Variants in PLEKHA2 observed in about 807,000 individuals in gnomAD.
The protein encoded by PLEKHA2 is pleckstrin homology domain containing A2, also known as pleckstrin homology domain-containing family A member 2.
A neutral mutation model predicts 53.2 loss-of-function variants in PLEKHA2; 28 were observed. The observed-to-expected ratio is 0.53, with a 90% CI of 0.39 to 0.72. PLEKHA2 has a LOEUF of 0.72. PLEKHA2 is among the 30% of genes least tolerant of loss of function. The pLI is 0.00. For synonymous variants in PLEKHA2, 193 were observed against 196.4 expected, an observed-to-expected ratio of 0.98 and a Z score of 0.14; for missense variants, 426 against 537.9, an observed-to-expected ratio of 0.79 and a Z score of 2.06.
intron 1 of PLEKHA2, among the ~76,000 whole-genome samples, chr8:38,903,893 T>C (rs1315693917): frequency 6.6e-6 from 1 of 152,158 alleles, no homozygotes; most frequent in East Asian, 1.9e-4. Context: ...CCCCCTCTCT[T>C]TTTCCACCAT....
At chr8:38,913,396 A>G (rs552432648) in intron 1 of PLEKHA2, among the ~76,000 whole-genome samples, 3 of 151,824 alleles carry the variant, frequency 2.0e-5, no homozygotes, top group Admixed American at 2.0e-4. Flanking sequence ...AGAAAAAGGA[A>G]AGATGAATCC....
chr8:38,901,522 C>T (rs1833784397), intron 1 of PLEKHA2, 77 bp downstream of exon 1: 1 of 151,446 alleles, frequency 6.6e-6, no homozygotes, highest in East Asian at 2.0e-4. Flanking sequence ...GCTGGGGGTG[C>T]AGGGGGCGCC....
At chr8:38,926,273 G>A (rs1301678331) in intron 2 of PLEKHA2, among the ~76,000 whole-genome samples, 3 of 151,744 alleles carry the variant, frequency 2.0e-5, no homozygotes, top group East Asian at 1.9e-4. Flanking sequence ...GAGTAAGAAC[G>A]CAGAATCCTT....
chr8:38,917,161 A>G (rs900902841), intron 1 of PLEKHA2, among the ~76,000 whole-genome samples: 2 of 152,100 alleles, frequency 1.3e-5, no homozygotes, highest in Non-Finnish European at 2.9e-5. Flanking sequence ...AGCTCTTTAT[A>G]TATTCTGGTT....
rs143049677 is a variant in PLEKHA2 at position 38,915,368 on chromosome 8, C to A, written c.-23-2539C>A. Among the ~76,000 whole-genome samples the A allele has an allele frequency of 4.0e-4, 61 of 152,352 alleles. No homozygotes were observed. The Middle Eastern group carries it at 0.014, about 34-fold the overall frequency. ...TAAACGGCAGAAGTTCATTTTCTCA[C>A]CGATCTGGAGGCTGAAAGTCCAAGG... is the stretch of plus-strand genomic sequence containing the variant. On this transcript the variant is annotated intron_variant, in intron 1 of 11. Coordinates refer to ENST00000617275, the MANE Select transcript of PLEKHA2 (RefSeq NM_021623.2).
At chr8:38,951,410 G>C (rs1457917620) in intron 6 of PLEKHA2, among the ~76,000 whole-genome samples, 1 of 151,094 alleles carries the variant, frequency 6.6e-6, no homozygotes, top group Non-Finnish European at 1.5e-5. Context: ...ACCCAGTAGA[G>C]TGCATGACAG....
chr8:38,919,439 C>G (rs1350612609), intron 2 of PLEKHA2, among the ~76,000 whole-genome samples: 1 of 152,160 alleles, frequency 6.6e-6, no homozygotes, highest in Non-Finnish European at 1.5e-5. Context: ...AATGAGCCTG[C>G]AAACACTGAC....
Position 38,950,925 on chromosome 8 carries a change from A to G in PLEKHA2, c.421A>G (p.Lys141Glu). 1 of 1,613,994 alleles carries G rather than the reference A, an allele frequency of 6.2e-7. No individual in the cohort carries two copies. The highest frequency in any genetic ancestry group is 8.5e-7 in the Non-Finnish European group (1 of 1,179,882). ...AGCAGCTCCTCCAGCCCTGGAGAAG[A>G]AGCCACAGGTGGCCTACAAGACGGA... The part of the protein sequence containing the change: ...SLAAPPALEK[K>E]PQVAYKTEII... Residue 141 changes from lysine to glutamate, a missense_variant, in exon 6 of 12, where the codon AAG (lysine) becomes GAG (glutamate). Lys to Glu is a moderately conservative substitution (Grantham distance 56). Transcript: ENST00000617275.
chr8:38,959,093 G>A (rs1043216033), intron 10 of PLEKHA2, among the ~76,000 whole-genome samples: 21 of 151,982 alleles, frequency 1.4e-4, no homozygotes, highest in Admixed American at 9.2e-4. Context: ...GACAGTAATC[G>A]AAATGTATTA....
chr8:38,936,408 T>C lies in PLEKHA2; in HGVS notation c.198+358T>C, dbSNP rs543339252. Among the ~76,000 whole-genome samples the C allele has an allele frequency of 2.0e-5, 3 of 152,254 alleles. No homozygotes were observed. The East Asian group carries it at 5.8e-4, about 29-fold the overall frequency. ...GGGACGAAAGGGAACACGAAAACAA[T>C]CACCAAAAATCCAGCAACTGTGAAG... On this transcript the variant is annotated intron_variant, in intron 3 of 11. Transcript: ENST00000617275.
intron 3 of PLEKHA2, among the ~76,000 whole-genome samples, chr8:38,936,682 G>A (rs1834501185): frequency 6.6e-6 from 1 of 152,234 alleles, no homozygotes; most frequent in Admixed American, 6.5e-5. Context: ...GCTGGGGTGG[G>A]GACTGGTTAA....
chr8:38,967,854 G>A (rs372492729), intron 10 of PLEKHA2, among the ~76,000 whole-genome samples: 13 of 152,058 alleles, frequency 8.5e-5, no homozygotes, highest in African/African-American at 2.9e-4. Flanking sequence ...TAGAGACGGG[G>A]TTTCACCATG....
chr8:38,967,531 A>G (rs935954568), intron 10 of PLEKHA2, among the ~76,000 whole-genome samples: 2 of 152,158 alleles, frequency 1.3e-5, no homozygotes, highest in Non-Finnish European at 2.9e-5. Flanking sequence ...TGTCCTAATA[A>G]TAGCTATTCT....
chr8:38,931,363 A>G (rs557022260), intron 2 of PLEKHA2, among the ~76,000 whole-genome samples: 1 of 152,284 alleles, frequency 6.6e-6, no homozygotes, highest in Non-Finnish European at 1.5e-5. Flanking sequence ...CACCGGCTCC[A>G]CTTTGTATCT....
At chr8:38,915,967 G>C (rs1025131609) in intron 1 of PLEKHA2, among the ~76,000 whole-genome samples, 1 of 152,094 alleles carries the variant, frequency 6.6e-6, no homozygotes, top group Non-Finnish European at 1.5e-5. Context: ...GTTACAGACT[G>C]TTCAGTTATA....
At chr8:38,965,424 C>T (rs886871693) in intron 10 of PLEKHA2, among the ~76,000 whole-genome samples, 4 of 152,086 alleles carry the variant, frequency 2.6e-5, no homozygotes, top group Admixed American at 1.3e-4. Flanking sequence ...AACTGATTAT[C>T]GGATTGTCAT....
At position 38,917,984 on chromosome 8, in the gene PLEKHA2, C is replaced by T; in HGVS notation, c.55C>T (p.His19Tyr). ...RICGFLDIEE[H>Y]ENSGKFLRRY... ...CTGTGGGTTTCTGGACATCGAGGAG[C>T]ATGAGAACAGCGGCAAGTTTCTGCG... Residue 19 changes from histidine (H) to tyrosine (Y), a missense_variant, in exon 2 of 12, where the codon CAT becomes TAT. His to Tyr is a moderately conservative substitution (Grantham distance 83). Coordinates refer to ENST00000617275, the MANE Select transcript of PLEKHA2 (RefSeq NM_021623.2). The T allele has an allele frequency of 6.2e-7, 1 of 1,613,616 alleles. No individual in the cohort carries two copies. The highest frequency in any genetic ancestry group is 8.5e-7 in the Non-Finnish European group (1 of 1,179,678).
At chr8:38,904,890 C>T (rs1188855214) in intron 1 of PLEKHA2, among the ~76,000 whole-genome samples, 1 of 152,220 alleles carries the variant, frequency 6.6e-6, no homozygotes, top group African/African-American at 2.4e-5. Flanking sequence ...TTAACAACAA[C>T]AATATTTACC....
Position 38,969,467 on chromosome 8 carries a change from C to G in PLEKHA2, c.962C>G (p.Ser321Cys). 6.2e-7 allele frequency: 1 copy of G among 1,613,874 alleles called. No homozygotes were observed. Among genetic ancestry groups the G allele is most frequent in the South Asian group, 1.1e-5 (1 of 91,072 alleles). ...RSISLTRPGS[S>C]SLSSGPNSIL... ...ATTTCTTTGACCCGACCTGGAAGCT[C>G]CAGCCTTTCAAGTGGGCCCAACTCT... The change falls in exon 12 of 12, where the codon TCC (serine) becomes TGC (cysteine). Residue 321 changes from serine to cysteine, a missense_variant. Transcript: ENST00000617275.
Sources: allele counts gnomAD v4.1 joint callset (sites outside exome capture counted in the v4.1 genomes callset), GRCh38; gene constraint gnomAD v4.1.1; transcripts MANE v1.5; gene names NCBI Gene and HGNC (gene_info 2026-07-23, HGNC 2026-07-21).